The following UBE2E2 variants were observed in gnomAD, a reference collection of about 807,000 sequenced individuals.
UBE2E2 encodes ubiquitin conjugating enzyme E2 E2, also known as ubiquitin-conjugating enzyme E2 E2.
In UBE2E2, 6 loss-of-function variants were observed where a neutral mutation model predicts 24.7. The ratio of observed to expected loss-of-function variants is 0.24; its 90% CI spans 0.13 to 0.48. The LOEUF (loss-of-function observed/expected upper bound fraction) is 0.48, where lower values mean the gene tolerates loss of function less well. Among genes scored for constraint, UBE2E2 ranks in the 20% least tolerant of loss-of-function variants. The probability of loss-of-function intolerance (pLI) is 0.99; values close to 1 mark genes in which losing one functional copy is unlikely to be tolerated. For synonymous variants in UBE2E2, 104 were observed against 83.6 expected, an observed-to-expected ratio of 1.24 and a Z score of -1.33; for missense variants, 169 against 245.0, an observed-to-expected ratio of 0.69 and a Z score of 2.07.
chr3:23,490,420 GAA>G (rs997146447), intron 3 of UBE2E2, among the ~76,000 whole-genome samples: 1 of 152,186 alleles, frequency 6.6e-6, no homozygotes, highest in Non-Finnish European at 1.5e-5. Flanking sequence ...AGAAAAGGAA[GAA>G]TATACAGTTT....
chr3:23,459,599 A>G (rs187566945), intron 3 of UBE2E2, among the ~76,000 whole-genome samples: 9 of 152,356 alleles, frequency 5.9e-5, no homozygotes, highest in East Asian at 1.9e-4. Flanking sequence ...TAGGAGGGCT[A>G]TATAAACACC....
At chr3:23,368,167 T>C (rs1696310689) in intron 3 of UBE2E2, among the ~76,000 whole-genome samples, 1 of 152,214 alleles carries the variant, frequency 6.6e-6, no homozygotes, top group South Asian at 2.1e-4. Flanking sequence ...TACTCTTAAT[T>C]ATTTATATTA....
At chr3:23,317,262 G>T (rs1694607676) in intron 3 of UBE2E2, among the ~76,000 whole-genome samples, 1 of 152,158 alleles carries the variant, frequency 6.6e-6, no homozygotes, top group East Asian at 1.9e-4. Context: ...AAAGTTCCAG[G>T]CTACTGGTAT....
intron 5 of UBE2E2, among the ~76,000 whole-genome samples, chr3:23,534,839 C>T (rs1444982764): frequency 1.3e-5 from 2 of 152,150 alleles, no homozygotes; most frequent in Non-Finnish European, 2.9e-5. Context: ...TTTTCCTACA[C>T]TGAATCTGTA....
chr3:23,294,674 T>C (rs1698862047), intron 3 of UBE2E2, among the ~76,000 whole-genome samples: 1 of 134,248 alleles, frequency 7.4e-6, no homozygotes, highest in South Asian at 2.3e-4. Flanking sequence ...TAAATAAATA[T>C]AATATTTATT....
intron 3 of UBE2E2, among the ~76,000 whole-genome samples, chr3:23,253,246 G>A (rs1286663512): frequency 6.6e-6 from 1 of 152,076 alleles, no homozygotes; most frequent in Non-Finnish European, 1.5e-5. Context: ...TGAAGAGGGA[G>A]GAAAAGAAAA....
chr3:23,588,412 T>G (rs199664655), intron 5 of UBE2E2, among the ~76,000 whole-genome samples: 112 of 55,476 alleles, frequency 2.0e-3, no homozygotes, highest in Middle Eastern at 8.3e-3. Context: ...GTTTTTTTGT[T>G]TTTTTTTTTT....
chr3:23,453,515 A>G (rs1698611767), intron 3 of UBE2E2, among the ~76,000 whole-genome samples: 1 of 152,188 alleles, frequency 6.6e-6, no homozygotes, highest in African/African-American at 2.4e-5. Context: ...CTCTTTCCAC[A>G]TATTTCACTT....
chr3:23,574,850 T>G (rs1696310904), intron 5 of UBE2E2, among the ~76,000 whole-genome samples: 1 of 152,212 alleles, frequency 6.6e-6, no homozygotes, highest in Admixed American at 6.5e-5. Context: ...GTGCTACACT[T>G]TATGCCAGCA....
intron 3 of UBE2E2, among the ~76,000 whole-genome samples, chr3:23,379,309 A>ATG (rs1448397089): frequency 2.6e-5 from 4 of 151,194 alleles, no homozygotes; most frequent in African/African-American, 7.3e-5. Flanking sequence ...TTAGTTACAT[A>ATG]TGTATACATG....
intron 4 of UBE2E2, among the ~76,000 whole-genome samples, chr3:23,523,855 G>T (rs1272664972): frequency 1.3e-5 from 2 of 148,974 alleles, no homozygotes; most frequent in African/African-American, 5.0e-5. Flanking sequence ...CTAACAACCT[G>T]TTTAAATAAA....
chr3:23,302,093 C>G (rs761499561), intron 3 of UBE2E2, among the ~76,000 whole-genome samples: 2 of 152,070 alleles, frequency 1.3e-5, no homozygotes, highest in Non-Finnish European at 2.9e-5. Context: ...TTCCTCCATT[C>G]CAGGAGTTCT....
At chr3:23,515,437 A>G (rs1694711435) in intron 4 of UBE2E2, among the ~76,000 whole-genome samples, 2 of 152,100 alleles carry the variant, frequency 1.3e-5, no homozygotes, top group Admixed American at 1.3e-4. Flanking sequence ...GGATGATAGA[A>G]TTTCAATAGG....
At chr3:23,268,324 A>G (rs1017844365) in intron 3 of UBE2E2, among the ~76,000 whole-genome samples, 1 of 150,722 alleles carries the variant, frequency 6.6e-6, no homozygotes, top group African/African-American at 2.4e-5. Context: ...CTCAGCCCAA[A>G]ATCTCCTTAA....
At chr3:23,582,960 T>C (rs1166006248) in intron 5 of UBE2E2, among the ~76,000 whole-genome samples, 1 of 151,980 alleles carries the variant, frequency 6.6e-6, no homozygotes, top group East Asian at 1.9e-4. Context: ...ATTTTTGTTT[T>C]TGTCGTAGTT....
chr3:23,589,760 A>G lies in UBE2E2; in HGVS notation c.535A>G (p.Thr179Ala), dbSNP rs1246617075. 1.2e-6 allele frequency: 2 copies of G among 1,614,100 alleles called. No homozygotes were observed. Among genetic ancestry groups the G allele is most frequent in the South Asian group, 1.1e-5 (1 of 91,074 alleles). ...TGACCCTCTGGTGGGCAGCATCGCC[A>G]CACAGTACATGACCAACAGAGCAGA... The part of the protein sequence containing the change: ...PADPLVGSIA[T>A]QYMTNRAEHD... The change falls in exon 6 of 6, where the codon ACA becomes GCA. Residue 179 changes from threonine to alanine, a missense_variant. Coordinates refer to ENST00000396703, the MANE Select transcript of UBE2E2 (RefSeq NM_152653.4). This position sits in a 1 kb window ranked among gnomAD's most constrained non-coding sequence, Gnocchi z 4.1.
chr3:23,558,714 G>A (rs1048806238), intron 5 of UBE2E2, among the ~76,000 whole-genome samples: 1 of 152,112 alleles, frequency 6.6e-6, no homozygotes. Context: ...TCCAGGATGA[G>A]GATATTAATG....
chr3:23,418,566 C>T (rs1697709267), intron 3 of UBE2E2, among the ~76,000 whole-genome samples: 1 of 152,152 alleles, frequency 6.6e-6, no homozygotes, highest in South Asian at 2.1e-4. Context: ...TGTTCTCGAA[C>T]TCCTCACCTC....
At chr3:23,503,842 G>C (rs1328288002) in intron 4 of UBE2E2, among the ~76,000 whole-genome samples, 2 of 149,840 alleles carry the variant, frequency 1.3e-5, no homozygotes, top group Admixed American at 6.7e-5. Flanking sequence ...GACGGAGCAA[G>C]ACTCTGTCTC....
Sources: allele counts gnomAD v4.1 joint callset (sites outside exome capture counted in the v4.1 genomes callset), GRCh38; gene constraint gnomAD v4.1.1; non-coding constraint Gnocchi (gnomAD v3.1); transcripts MANE v1.5; gene names NCBI Gene and HGNC (gene_info 2026-07-23, HGNC 2026-07-21).